The following AHR variants were observed in gnomAD, a reference collection of about 807,000 sequenced individuals.
The protein encoded by AHR is aryl hydrocarbon receptor.
AHR carries 40 observed loss-of-function variants against 86.8 expected under a neutral mutation model. The observed-to-expected ratio is 0.46, with a 90% confidence interval of 0.36 to 0.60. The LOEUF (loss-of-function observed/expected upper bound fraction) is 0.60. AHR is among the 20% of genes least tolerant of loss of function. The probability of loss-of-function intolerance (pLI) is 0.00; values close to 1 mark genes in which losing one functional copy is unlikely to be tolerated. For synonymous variants in AHR, 398 were observed against 354.9 expected (o/e 1.12, Z -1.37); for missense variants, 1,001 against 1,011.6 (o/e 0.99, Z 0.14).
intron 2 of AHR, among the ~76,000 whole-genome samples, chr7:17,315,447 G>A (rs988181717): frequency 7.2e-5 from 11 of 151,874 alleles, no homozygotes; most frequent in African/African-American, 2.7e-4. Flanking sequence ...CTGCTTTCCT[G>A]TCTCTTTTAA....
chr7:17,305,703 TTA>T lies in AHR; in HGVS notation c.66-4232_66-4231del, dbSNP rs879314666. 3.4e-3 allele frequency among the ~76,000 whole-genome samples: 519 copies of T among 152,296 alleles called. 11 individuals carry two copies. Among genetic ancestry groups the T allele is most frequent in the Admixed American group, 0.031 (469 of 15,308 alleles). On this transcript the variant is annotated intron_variant, in intron 1 of 10. Coordinates refer to ENST00000242057, the MANE Select transcript of AHR (RefSeq NM_001621.5). ...AAAACGTCACTTTGATCTCATAGGA[TTA>T]CTGAAACCATATCTTTGCATGTCAT...
chr7:17,310,226 G>T (rs984916306), intron 2 of AHR, 103 bp downstream of exon 2: 18 of 1,130,718 alleles, frequency 1.6e-5, no homozygotes, highest in Non-Finnish European at 2.2e-5. Flanking sequence ...GCCGTATTTG[G>T]AAAATTTATT....
intron 2 of AHR, among the ~76,000 whole-genome samples, chr7:17,321,599 A>ACG (rs1169147666): frequency 6.7e-6 from 1 of 149,560 alleles, no homozygotes; most frequent in African/African-American, 2.5e-5. Context: ...ACACATACAC[A>ACG]CACACACACA....
chr7:17,341,293 T>C (rs1390944929), intron 10 of AHR, among the ~76,000 whole-genome samples: 2 of 152,194 alleles, frequency 1.3e-5, no homozygotes, highest in African/African-American at 4.8e-5. Context: ...TTCTTATTCC[T>C]TACATCCTTC....
Position 17,339,371 on chromosome 7 carries a change from C to G in AHR, c.1546C>G (p.Gln516Glu). ...DTILKHEQIDQPQDVNSFAGG... is the reference protein window; with the variant it reads ...DTILKHEQIDEPQDVNSFAGG... Reference sequence around the variant, plus strand: ...TATCCTGAAACATGAGCAAATTGACCAGCCTCAGGATGTGAACTCATTTGC... The same window carrying G: ...TATCCTGAAACATGAGCAAATTGACGAGCCTCAGGATGTGAACTCATTTGC... Residue 516 changes from glutamine (Q) to glutamate (E), a missense_variant, in exon 10 of 11, where the codon CAG becomes GAG. Around this residue, in one of 2 missense-constraint regions of AHR, gnomAD observed 607 missense variants for 543.1 expected, o/e 1.12. Coordinates refer to ENST00000242057, the MANE Select transcript of AHR (RefSeq NM_001621.5). The G allele has an allele frequency of 6.2e-7, 1 of 1,614,160 alleles. No individual in the cohort carries two copies. The highest frequency in any genetic ancestry group is 8.5e-7 in the Non-Finnish European group (1 of 1,180,032).
At position 17,339,473 on chromosome 7, in the gene AHR, T is replaced by G. The variant is rs1435346819; in HGVS notation, c.1648T>G (p.Phe550Val). ...YSIMKNLGID[F>V]EDIRHMQNEK... ...CATAATGAAAAACCTAGGCATTGAT[T>G]TTGAAGACATCAGACACATGCAGAA... is the stretch of plus-strand genomic sequence containing the variant. The change falls in exon 10 of 11, where the codon TTT becomes GTT. Residue 550 changes from phenylalanine to valine, a missense_variant. Transcript: ENST00000242057. 13 of 1,614,172 alleles carry G rather than the reference T, an allele frequency of 8.1e-6. No individual in the cohort carries two copies. Among genetic ancestry groups the G allele is most frequent in the Non-Finnish European group, 9.3e-6 (11 of 1,180,030 alleles).
At position 17,335,700 on chromosome 7, in the gene AHR, C is replaced by T. The variant is rs1335856140; in HGVS notation, c.1074C>T (p.Asn358=). Residue 358 remains asparagine, a synonymous_variant, in exon 9 of 11, where the codon AAC becomes AAT. Coordinates refer to ENST00000242057, the MANE Select transcript of AHR (RefSeq NM_001621.5). The part of the protein sequence containing the change: ...MIVFRLLTKN[N]RWTWVQSNAR... ...TTTTCCGGCTTCTTACAAAAAACAACCGATGGACTTGGGTCCAGTCTAATG... is the reference window on the plus strand; with the variant it reads ...TTTTCCGGCTTCTTACAAAAAACAATCGATGGACTTGGGTCCAGTCTAATG... The T allele has an allele frequency of 1.2e-6, 2 of 1,606,946 alleles. No homozygotes were observed. The highest frequency in any genetic ancestry group is 2.2e-5 in the South Asian group (2 of 89,946).
At chr7:17,332,476 G>C (rs1015821079) in intron 6 of AHR, among the ~76,000 whole-genome samples, 4 of 151,776 alleles carry the variant, frequency 2.6e-5, no homozygotes, top group Admixed American at 2.6e-4. Flanking sequence ...AGAGGTGGAA[G>C]ATAGGATCAT....
intron 3 of AHR, 144 bp from the exon 4 acceptor site, chr7:17,327,615 G>A (rs1473708562): frequency 3.2e-5 from 12 of 372,806 alleles, no homozygotes; most frequent in African/African-American, 4.2e-5. Context: ...CTTAGTCCAG[G>A]AGTGTATGTT....
chr7:17,330,879 G>A lies in AHR; in HGVS notation c.698G>A (p.Gly233Asp), dbSNP rs1435069179. The change falls in exon 6 of 11, where the codon GGT becomes GAT. Residue 233 changes from glycine (G) to aspartate (D), a missense_variant. Coordinates refer to ENST00000242057, the MANE Select transcript of AHR (RefSeq NM_001621.5). ...AGGTGTCTGCTGGATAATTCATCTG[G>A]TTTTCTGGTAAGGTACAAAATTTTA... The part of the protein sequence containing the change: ...RLRCLLDNSS[G>D]FLAMNFQGKL... The A allele has an allele frequency of 7.4e-6, 12 of 1,611,342 alleles. No individual in the cohort carries two copies. The highest frequency in any genetic ancestry group is 1.0e-5 in the Non-Finnish European group (12 of 1,178,328).
In AHR at chr7:17,337,539, A is replaced by G. The variant is rs1238473234; in HGVS notation, c.1161-1447A>G. Reference sequence around the variant, plus strand: ...GCCCAGGCTGGAGTGCAGTGGCGGGATCTCGGCTCACTGCAAGCTCCGCCA... The same window carrying G: ...GCCCAGGCTGGAGTGCAGTGGCGGGGTCTCGGCTCACTGCAAGCTCCGCCA... On this transcript the variant is annotated intron_variant, in intron 9 of 10. Transcript: ENST00000242057. Among the ~76,000 whole-genome samples the G allele has an allele frequency of 4.8e-4, 64 of 132,818 alleles. 2 individuals are homozygous for G. The South Asian group carries it at 0.014, about 28-fold the overall frequency. 87.1% of individuals were successfully genotyped at this position (132,818 alleles called of 152,430 possible).
rs1782475336 is a variant in AHR, at chr7:17,345,652, TATG to T, written c.*2593_*2595del. On this transcript the variant is annotated 3_prime_UTR_variant, in exon 11 of 11. Transcript: ENST00000242057. ...GGAAAATAGGCTTTTTAATCATGAATATGATGACAATCAGTTATACAGTTATAA... is the reference window on the plus strand; with the variant it reads ...GGAAAATAGGCTTTTTAATCATGAATATGACAATCAGTTATACAGTTATAA... 6.6e-6 allele frequency: 1 copy of T among 152,654 alleles called. No homozygotes were observed. The highest frequency in any genetic ancestry group is 1.5e-5 in the Non-Finnish European group (1 of 68,004). The allele number at this position is 152,654 out of a possible 1,614,324, so 9.5% of individuals were successfully genotyped here. A position where few individuals can be genotyped will look rare whatever the true frequency, so the allele number is the denominator to read the frequency against.
At chr7:17,311,920 A>AT (rs1455724292) in intron 2 of AHR, among the ~76,000 whole-genome samples, 1 of 152,112 alleles carries the variant, frequency 6.6e-6, no homozygotes, top group East Asian at 1.9e-4. Context: ...AGCACTGAGG[A>AT]TTTTTTCCTA....
At chr7:17,329,373 T>TA (rs913649993) in intron 4 of AHR, among the ~76,000 whole-genome samples, 29 of 150,420 alleles carry the variant, frequency 1.9e-4, no homozygotes, top group Middle Eastern at 3.4e-3. Flanking sequence ...AACTTGCAGT[T>TA]AAAAAAAAAG....
intron 5 of AHR, among the ~76,000 whole-genome samples, chr7:17,330,511 T>C (rs1423991648): frequency 2.0e-5 from 3 of 151,888 alleles, no homozygotes; most frequent in African/African-American, 7.2e-5. Context: ...CAAAAATGCA[T>C]TAGAAAATAT....
chr7:17,332,228 A>C (rs539038898), intron 6 of AHR, among the ~76,000 whole-genome samples: 1 of 152,042 alleles, frequency 6.6e-6, no homozygotes, highest in African/African-American at 2.4e-5. Flanking sequence ...ATAATACTTG[A>C]AAATAAAACA....
chr7:17,339,259 T>C lies in AHR; in HGVS notation c.1434T>C (p.Thr478=). 6.2e-7 allele frequency: 1 copy of C among 1,614,222 alleles called. No homozygotes were observed. The highest frequency in any genetic ancestry group is 2.2e-5 in the East Asian group (1 of 44,884). ...ATCCTGCTTCAAGTACTTCAAGTAC[T>C]GCACCTTTTGAAAACAACTTTTTCA... ...YLYPASSTSS[T]APFENNFFNE... The change falls in exon 10 of 11, where the codon ACT becomes ACC. Residue 478 remains threonine (T), a synonymous_variant. Transcript: ENST00000242057.
At chr7:17,324,269 A>T (rs751746545) in intron 3 of AHR, among the ~76,000 whole-genome samples, 12 of 152,302 alleles carry the variant, frequency 7.9e-5, no homozygotes, top group African/African-American at 2.6e-4. Flanking sequence ...GATTGTGCTT[A>T]TATGTTATCT....
chr7:17,299,430 AT>A, intron 1 of AHR, 101 bp downstream of exon 1: 1 of 1,345,434 alleles, frequency 7.4e-7, no homozygotes, highest in Non-Finnish European at 1.0e-6. Context: ...CGATCCTGGG[AT>A]TAGGTCCATT....
Sources: gnomAD v4.1 joint callset for allele counts (sites outside exome capture counted in the v4.1 genomes callset) on GRCh38, gnomAD v4.1.1 for gene constraint, gnomAD v4.1.1 regional missense constraint, MANE v1.5 for transcripts, NCBI Gene and HGNC (gene_info 2026-07-23, HGNC 2026-07-21) for gene names.